DLG2: variants seen among roughly 807,000 people sequenced by gnomAD.
The protein encoded by DLG2 is discs large MAGUK scaffold protein 2, also known as disks large homolog 2.
A neutral mutation model predicts 132.5 loss-of-function variants in DLG2; 45 were observed. The observed-to-expected ratio is 0.34, with a 90% CI of 0.27 to 0.44. The LOEUF is 0.44. Ranked by LOEUF, DLG2 falls within the 20% of genes least tolerant of loss-of-function variation. The pLI, the probability that DLG2 is intolerant of heterozygous loss-of-function variation, is 1.00. For missense variants in DLG2, 1,045 were observed against 1,196.9 expected (o/e 0.87, Z 1.87); for synonymous variants, 424 against 419.6 (o/e 1.01, Z -0.13).
intron 8 of DLG2, among the ~76,000 whole-genome samples, chr11:84,228,421 C>G (rs1044837553): frequency 1.3e-5 from 2 of 152,156 alleles, no homozygotes; most frequent in African/African-American, 4.8e-5. Context: ...CTATCGGGAA[C>G]AAGACTTTAA....
At chr11:83,589,771 G>T (rs1490374520) in intron 19 of DLG2, among the ~76,000 whole-genome samples, 1 of 149,508 alleles carries the variant, frequency 6.7e-6, no homozygotes, top group Non-Finnish European at 1.5e-5. Context: ...ACACACATAG[G>T]CTCAAAATAA....
At chr11:83,735,989 T>C (rs189534867) in intron 18 of DLG2, among the ~76,000 whole-genome samples, 8 of 152,310 alleles carry the variant, frequency 5.3e-5, no homozygotes, top group Admixed American at 3.9e-4. Context: ...AGAGGCCTCA[T>C]AAATGTGTGC....
At chr11:84,574,854 G>T (rs965528784) in intron 6 of DLG2, among the ~76,000 whole-genome samples, 5 of 152,002 alleles carry the variant, frequency 3.3e-5, no homozygotes, top group African/African-American at 9.7e-5. Flanking sequence ...CAGAGACCTG[G>T]GCATTATCTG....
chr11:84,558,811 C>A (rs2099417181), intron 6 of DLG2, among the ~76,000 whole-genome samples: 1 of 152,082 alleles, frequency 6.6e-6, no homozygotes, highest in Admixed American at 6.6e-5. Flanking sequence ...GATTCCTTAT[C>A]TTCTTTATTT....
rs1940101 is a variant in DLG2, at chr11:84,676,179, T to G, written c.358-141448A>C. 2.0e-4 allele frequency among the ~76,000 whole-genome samples: 30 copies of G among 152,156 alleles called. 1 individual carries two copies. In the South Asian group the frequency reaches 6.2e-3, roughly 32 times the overall value. ...TTAAGCATAACAAATAATATATATA[T>G]GAGCTTTACCAAGGAGAATAATTTG... is the stretch of plus-strand genomic sequence containing the variant. On this transcript the variant is annotated intron_variant, in intron 6 of 27. Coordinates refer to ENST00000376104, the MANE Select transcript of DLG2 (RefSeq NM_001142699.3).
chr11:84,086,491 CTTT>C (rs66719037), intron 10 of DLG2, among the ~76,000 whole-genome samples: 42 of 110,458 alleles, frequency 3.8e-4, no homozygotes, highest in Non-Finnish European at 5.3e-4. Flanking sequence ...TTCTTTCTTT[CTTT>C]TTTTTTTTTT....
At chr11:84,372,001 G>A (rs191002117) in intron 7 of DLG2, among the ~76,000 whole-genome samples, 1 of 152,112 alleles carries the variant, frequency 6.6e-6, no homozygotes, top group African/African-American at 2.4e-5. Flanking sequence ...CTTCTTGTTA[G>A]GTGTCAGACC....
intron 6 of DLG2, among the ~76,000 whole-genome samples, chr11:84,728,817 G>C (rs2062808587): frequency 6.6e-6 from 1 of 152,148 alleles, no homozygotes; most frequent in Non-Finnish European, 1.5e-5. Flanking sequence ...GTTTAGACAT[G>C]TGAGGGTGCA....
chr11:84,786,209 T>C (rs2153928755), intron 6 of DLG2, among the ~76,000 whole-genome samples: 1 of 152,248 alleles, frequency 6.6e-6, no homozygotes, highest in South Asian at 2.1e-4. Context: ...CAGTTGCCTA[T>C]AGAACAAGTG....
intron 6 of DLG2, among the ~76,000 whole-genome samples, chr11:84,631,909 T>G (rs1033766216): frequency 6.6e-6 from 1 of 152,284 alleles, no homozygotes; most frequent in Admixed American, 6.5e-5. Context: ...TTTTCTTTGG[T>G]AAAATTTTTA....
chr11:84,443,243 C>T lies in DLG2; in HGVS notation c.519+91327G>A, dbSNP rs557111223. ...ACCTAATGTAACATTTACCTTCCATCCAGATTTAATAAATGTTAATATTTT... is the reference window on the plus strand; with the variant it reads ...ACCTAATGTAACATTTACCTTCCATTCAGATTTAATAAATGTTAATATTTT... On this transcript the variant is annotated intron_variant, in intron 7 of 27. Transcript: ENST00000376104. Among the ~76,000 whole-genome samples the T allele has an allele frequency of 3.9e-5, 6 of 152,244 alleles. No homozygotes were observed. In the South Asian group the frequency reaches 1.2e-3, roughly 32 times the overall value.
chr11:83,817,482 CT>C (rs530943221), intron 17 of DLG2, among the ~76,000 whole-genome samples: 77 of 152,126 alleles, frequency 5.1e-4, no homozygotes, highest in Admixed American at 4.6e-3. Context: ...GGAATTGAGA[CT>C]TTATTTGGAT....
At chr11:85,480,498 A>T (rs1208574899) in intron 3 of DLG2, among the ~76,000 whole-genome samples, 2 of 152,236 alleles carry the variant, frequency 1.3e-5, no homozygotes, top group Non-Finnish European at 2.9e-5. Flanking sequence ...GAGCTGCAAA[A>T]AAATGCAACA....
intron 5 of DLG2, among the ~76,000 whole-genome samples, chr11:85,133,830 C>T (rs1425305694): frequency 6.6e-6 from 1 of 152,148 alleles, no homozygotes; most frequent in African/African-American, 2.4e-5. Flanking sequence ...TAGCACTCTC[C>T]CCTCCCCCAA....
At chr11:83,809,054 T>C (rs779583637) in intron 17 of DLG2, among the ~76,000 whole-genome samples, 2 of 152,160 alleles carry the variant, frequency 1.3e-5, no homozygotes, top group Non-Finnish European at 2.9e-5. Flanking sequence ...ACTTTCCTGC[T>C]GCATCCTCTC....
intron 18 of DLG2, among the ~76,000 whole-genome samples, chr11:83,710,821 A>G (rs2085241507): frequency 6.6e-6 from 1 of 152,208 alleles, no homozygotes; most frequent in Admixed American, 6.6e-5. Context: ...ATGGGTTCAT[A>G]TAAATATACT....
chr11:84,103,998 A>C (rs1430666007), intron 9 of DLG2, among the ~76,000 whole-genome samples: 1 of 152,124 alleles, frequency 6.6e-6, no homozygotes, highest in African/African-American at 2.4e-5. Flanking sequence ...AAACATGAAA[A>C]GATTTGTGTT....
At chr11:83,706,999 T>C (rs1186310459) in intron 18 of DLG2, among the ~76,000 whole-genome samples, 4 of 152,230 alleles carry the variant, frequency 2.6e-5, no homozygotes, top group Non-Finnish European at 5.9e-5. Flanking sequence ...ATACTTTCCA[T>C]ACATTTTATC....
intron 6 of DLG2, among the ~76,000 whole-genome samples, chr11:84,886,704 A>C (rs563750725): frequency 6.6e-6 from 1 of 152,174 alleles, no homozygotes; most frequent in African/African-American, 2.4e-5. Context: ...AACCAATAAT[A>C]ACATAGACAG....
Sources: gnomAD v4.1 joint callset for allele counts (sites outside exome capture counted in the v4.1 genomes callset) on GRCh38, gnomAD v4.1.1 for gene constraint, MANE v1.5 for transcripts, NCBI Gene and HGNC (gene_info 2026-07-23, HGNC 2026-07-21) for gene names.